Variants in CTNNA3 observed in about 807,000 individuals in gnomAD.
The protein encoded by CTNNA3 is catenin alpha 3.
In CTNNA3, 76 loss-of-function variants were observed where a neutral mutation model predicts 95.7. The ratio of observed to expected loss-of-function variants is 0.79; its 90% CI spans 0.66 to 0.96. The LOEUF (loss-of-function observed/expected upper bound fraction) is 0.96. Ranked by LOEUF, CTNNA3 falls within the 40% of genes least tolerant of loss-of-function variation. The probability of loss-of-function intolerance (pLI) is 0.00; values close to 1 mark genes in which losing one functional copy is unlikely to be tolerated. For missense variants in CTNNA3, 1,191 were observed against 1,089.8 expected, an observed-to-expected ratio of 1.09 and a Z score of -1.31; for synonymous variants, 431 against 374.4, an observed-to-expected ratio of 1.15 and a Z score of -1.74.
At chr10:67,029,368 C>T (rs1796478482) in intron 7 of CTNNA3, among the ~76,000 whole-genome samples, 1 of 152,070 alleles carries the variant, frequency 6.6e-6, no homozygotes, top group Admixed American at 6.6e-5. Context: ...GGAGCTGGTT[C>T]AGAGCAGGTT....
chr10:67,516,390 T>A (rs1186174242), intron 5 of CTNNA3, among the ~76,000 whole-genome samples: 1 of 152,168 alleles, frequency 6.6e-6, no homozygotes, highest in South Asian at 2.1e-4. Context: ...TTCTTCTCTA[T>A]ATGCTATAGT....
intron 7 of CTNNA3, among the ~76,000 whole-genome samples, chr10:66,823,462 G>A (rs1422484251): frequency 6.6e-6 from 1 of 152,154 alleles, no homozygotes; most frequent in Admixed American, 6.5e-5. Flanking sequence ...CTACAAGGAG[G>A]ATGAATGTAG....
chr10:67,431,461 T>A (rs746600786), intron 5 of CTNNA3, among the ~76,000 whole-genome samples: 3 of 152,020 alleles, frequency 2.0e-5, no homozygotes, highest in Non-Finnish European at 4.4e-5. Context: ...GATACCTATG[T>A]TATCCTAATT....
chr10:67,630,617 T>C (rs940524049), intron 2 of CTNNA3, among the ~76,000 whole-genome samples: 42 of 152,112 alleles, frequency 2.8e-4, no homozygotes, highest in African/African-American at 9.4e-4. Context: ...TATTAAAAGC[T>C]ATCCCCAAGG....
intron 2 of CTNNA3, among the ~76,000 whole-genome samples, chr10:67,636,223 G>T (rs7913066): frequency 0.12 from 18,583 of 152,040 alleles, 2,102 homozygotes; most frequent in East Asian, 0.44. Flanking sequence ...AATCAATGTC[G>T]TTAGAATGGC....
At chr10:66,304,808 A>T (rs931846206) in intron 12 of CTNNA3, among the ~76,000 whole-genome samples, 1 of 152,196 alleles carries the variant, frequency 6.6e-6, no homozygotes, top group African/African-American at 2.4e-5. Flanking sequence ...CAGAACAGTG[A>T]TTAAGTAAGA....
intron 13 of CTNNA3, among the ~76,000 whole-genome samples, chr10:66,257,268 A>G (rs2090824790): frequency 2.0e-5 from 3 of 152,190 alleles, no homozygotes; most frequent in African/African-American, 7.2e-5. Context: ...TACAGGGGCC[A>G]GTTATTCATC....
upstream of CTNNA3, among the ~76,000 whole-genome samples, chr10:67,700,338 C>A (rs1226343838): frequency 6.6e-6 from 1 of 152,178 alleles, no homozygotes; most frequent in Non-Finnish European, 1.5e-5. Flanking sequence ...GGGTCCCTGA[C>A]CCCTTGACCC....
At chr10:67,307,511 C>T (rs1427824539) in intron 5 of CTNNA3, among the ~76,000 whole-genome samples, 1 of 152,144 alleles carries the variant, frequency 6.6e-6, no homozygotes, top group East Asian at 1.9e-4. Flanking sequence ...TTTACCTCAG[C>T]AACTAAATAT....
In CTNNA3 at chr10:66,810,530, A is replaced by G. The variant is rs12772383; in HGVS notation, c.1048-35006T>C. 1.1e-3 allele frequency among the ~76,000 whole-genome samples: 173 copies of G among 152,302 alleles called. 1 individual carries two copies. The highest frequency in any genetic ancestry group is 1.8e-3 in the Non-Finnish European group (120 of 68,022). On this transcript the variant is annotated intron_variant, in intron 7 of 17. Transcript: ENST00000433211. ...CATTGACTTATTTTAGGTTCTCAAT[A>G]TCTCTATCTCTTTGCCCACAGATTT...
intron 7 of CTNNA3, among the ~76,000 whole-genome samples, chr10:67,107,574 AC>A (rs796757281): frequency 1.1e-4 from 17 of 152,326 alleles, no homozygotes; most frequent in African/African-American, 3.8e-4. Context: ...TTTCTTTTCA[AC>A]CTTTTTAGTC....
chr10:66,535,061 G>A (rs903945123), intron 10 of CTNNA3, among the ~76,000 whole-genome samples: 1 of 152,000 alleles, frequency 6.6e-6, no homozygotes, highest in African/African-American at 2.4e-5. Flanking sequence ...CGCATGCAAA[G>A]TACTGCAGTG....
intron 13 of CTNNA3, among the ~76,000 whole-genome samples, chr10:66,234,420 C>G (rs1206596944): frequency 6.6e-6 from 1 of 152,102 alleles, no homozygotes; most frequent in Non-Finnish European, 1.5e-5. Context: ...CAAACACACA[C>G]ATGCCTGGAA....
chr10:67,699,801 G>A (rs551000162), upstream of CTNNA3, among the ~76,000 whole-genome samples: 583 of 152,304 alleles, frequency 3.8e-3, 3 homozygotes, highest in African/African-American at 0.012. Flanking sequence ...CACCGTTCGC[G>A]AGCCGAAGTC....
At chr10:66,854,760 A>G (rs546323476) in intron 7 of CTNNA3, among the ~76,000 whole-genome samples, 1 of 149,358 alleles carries the variant, frequency 6.7e-6, no homozygotes, top group Non-Finnish European at 1.5e-5. Flanking sequence ...TTTTTTGTCC[A>G]TAGGCTTGGA....
chr10:67,747,829 G>A (rs72806690), intron 1 of CTNNA3, among the ~76,000 whole-genome samples: 5 of 152,176 alleles, frequency 3.3e-5, no homozygotes, highest in Non-Finnish European at 5.9e-5. Flanking sequence ...AAAGGAGCAT[G>A]TCCTAACCTA....
At chr10:66,244,992 G>A (rs10997009) in intron 13 of CTNNA3, among the ~76,000 whole-genome samples, 32,593 of 152,060 alleles carry the variant, frequency 0.21, 3,683 homozygotes, top group South Asian at 0.29. Context: ...GCCTGGTGGC[G>A]CCTTTGCCCA....
chr10:67,421,513 G>A (rs564365467), intron 5 of CTNNA3, among the ~76,000 whole-genome samples: 1 of 152,210 alleles, frequency 6.6e-6, no homozygotes, highest in African/African-American at 2.4e-5. Context: ...CTACCCACAA[G>A]GGCACCTTTC....
At chr10:67,232,936 G>T (rs1221561715) in intron 5 of CTNNA3, among the ~76,000 whole-genome samples, 1 of 152,042 alleles carries the variant, frequency 6.6e-6, no homozygotes, top group Admixed American at 6.6e-5. Flanking sequence ...AACGGTAAAG[G>T]GATCAATTCA....
Sources: gnomAD v4.1 joint callset for allele counts (sites outside exome capture counted in the v4.1 genomes callset) on GRCh38, gnomAD v4.1.1 for gene constraint, MANE v1.5 for transcripts, NCBI Gene and HGNC (gene_info 2026-07-23, HGNC 2026-07-21) for gene names.